LAMC3: variants seen among roughly 807,000 people sequenced by gnomAD.
LAMC3 encodes the protein laminin subunit gamma 3, also known as laminin subunit gamma-3.
LAMC3 carries 128 observed loss-of-function variants against 173.8 expected under a neutral mutation model. The ratio of observed to expected loss-of-function variants is 0.74; its 90% CI spans 0.64 to 0.85. The LOEUF (loss-of-function observed/expected upper bound fraction) is 0.85, where lower values mean the gene tolerates loss of function less well. LAMC3 is among the 40% of genes least tolerant of loss of function. LAMC3 has a pLI of 0.00. For synonymous variants in LAMC3, 897 were observed against 909.1 expected (o/e 0.99, Z 0.24); for missense variants, 2,022 against 2,156.0 (o/e 0.94, Z 1.23).
chr9:131,032,673 GCTCT>G lies in LAMC3; in HGVS notation c.809+509_809+512del, dbSNP rs1025373572. ...CACTCACTCTCTCTCACTCTCTCTCGCTCTCTCTCTCTCTGAAGGAGTTTCGCTC... is the reference window on the plus strand; with the variant it reads ...CACTCACTCTCTCTCACTCTCTCTCGCTCTCTCTCTGAAGGAGTTTCGCTC... On this transcript the variant is annotated intron_variant, in intron 3 of 27. Transcript: ENST00000361069. 7.2e-5 allele frequency among the ~76,000 whole-genome samples: 10 copies of G among 137,946 alleles called. No homozygotes were observed. The South Asian group carries it at 1.8e-3, about 24-fold the overall frequency. The allele number at this position is 137,946 out of a possible 152,430, so 90.5% of individuals were successfully genotyped here. A position where few individuals can be genotyped will look rare whatever the true frequency, so the allele number is the denominator to read the frequency against.
chr9:131,045,457 AC>A (rs1166609390), intron 7 of LAMC3, 66 bp from the exon 8 acceptor site: 24 of 1,587,554 alleles, frequency 1.5e-5, no homozygotes, highest in Non-Finnish European at 1.9e-5. Flanking sequence ...CAGCTGGGAT[AC>A]CCTGGCCCCG....
rs1453651329 is a variant in LAMC3 at position 131,087,392 on chromosome 9, G to T, written c.4231-84G>T. 5.3e-6 allele frequency: 8 copies of T among 1,515,318 alleles called. No individual in the cohort carries two copies. The East Asian group carries it at 6.7e-5, about 13-fold the overall frequency. The allele number at this position is 1,515,318 out of a possible 1,614,324, so 93.9% of individuals were successfully genotyped here. On this transcript the variant is annotated intron_variant, in intron 25 of 27. Transcript: ENST00000361069. ...TCTGCCTGGTACAGACAACTGCTTG[G>T]CATCATTGCCATAAGAGCTATTTAC... is the stretch of plus-strand genomic sequence containing the variant.
At chr9:131,027,765 C>T (rs1833750600) in intron 2 of LAMC3, among the ~76,000 whole-genome samples, 1 of 152,242 alleles carries the variant, frequency 6.6e-6, no homozygotes, top group Admixed American at 6.5e-5. Flanking sequence ...GCGTGCCCAC[C>T]CACACTCGGG....
At position 131,052,976 on chromosome 9, in the gene LAMC3, A is replaced by G. The variant is rs73550474; in HGVS notation, c.1939+11A>G. On this transcript the variant is annotated intron_variant, in intron 11 of 27. Transcript: ENST00000361069. ...GCCCCAGCCCTGCCGGTCAGTAAAG[A>G]CAACCACATGCCCAAGACCCGAGTG... The G allele has an allele frequency of 4.0e-3, 6,274 of 1,587,668 alleles. 167 individuals carry two copies. In the African/African-American group the frequency reaches 0.064, roughly 16 times the overall value.
At position 131,012,062 on chromosome 9, in the gene LAMC3, T is replaced by TACACACACACAC. The variant is rs33965311; in HGVS notation, c.373+2494_373+2505dup. 7.9e-3 allele frequency among the ~76,000 whole-genome samples: 1,098 copies of TACACACACACAC among 138,490 alleles called. 14 individuals carry two copies. Among genetic ancestry groups the TACACACACACAC allele is most frequent in the African/African-American group, 0.024 (913 of 38,276 alleles). 90.9% of individuals were successfully genotyped at this position (138,490 alleles called of 152,430 possible). ...TGTAGAGAGCGAACACACACACACATACACACACACACACACACACACACA... is the reference window on the plus strand; with the variant it reads ...TGTAGAGAGCGAACACACACACACATACACACACACACACACACACACACACACACACACACA... On this transcript the variant is annotated intron_variant, in intron 1 of 27. Transcript: ENST00000361069.
intron 1 of LAMC3, among the ~76,000 whole-genome samples, chr9:131,020,783 C>T (rs938693072): frequency 2.6e-5 from 4 of 152,122 alleles, no homozygotes; most frequent in African/African-American, 9.7e-5. Flanking sequence ...GGTGATTCAC[C>T]AGCTTCTTGT....
intron 20 of LAMC3, among the ~76,000 whole-genome samples, chr9:131,075,407 C>T (rs1433947862): frequency 6.6e-6 from 1 of 151,930 alleles, no homozygotes; most frequent in Non-Finnish European, 1.5e-5. Flanking sequence ...GACCCTGTCT[C>T]TACTAAAATA....
At chr9:131,056,033 A>G (rs1350810693) in intron 11 of LAMC3, among the ~76,000 whole-genome samples, 3 of 67,064 alleles carry the variant, frequency 4.5e-5, no homozygotes, top group Non-Finnish European at 8.8e-5. Context: ...TTTTTCTACA[A>G]AAAATTTAAA....
chr9:131,080,880 T>C (rs1452547968), intron 23 of LAMC3, among the ~76,000 whole-genome samples: 1 of 152,190 alleles, frequency 6.6e-6, no homozygotes, highest in Non-Finnish European at 1.5e-5. Context: ...GCAGTACTAG[T>C]GGCTCCTCAA....
chr9:131,068,365 C>T lies in LAMC3; in HGVS notation c.2747+134C>T, dbSNP rs537495091. On this transcript the variant is annotated intron_variant, in intron 15 of 27. Transcript: ENST00000361069. ...CTGCCAGGCACATTGTGCCCTTTGC[C>T]GAAGGGGAGCAAAGGGATGGACTCT... 44 of 900,092 alleles carry T rather than the reference C, an allele frequency of 4.9e-5. 1 individual carries two copies. Among genetic ancestry groups the T allele is most frequent in the African/African-American group, 2.0e-4 (12 of 60,354 alleles). 55.8% of individuals were successfully genotyped at this position (900,092 alleles called of 1,614,324 possible). A position where few individuals can be genotyped will look rare whatever the true frequency, so the allele number is the denominator to read the frequency against.
At chr9:131,082,218 C>A in intron 24 of LAMC3, 57 bp downstream of exon 24, 1 of 1,293,174 alleles carries the variant, frequency 7.7e-7, no homozygotes, top group Non-Finnish European at 1.1e-6. Context: ...CTGACAGCCA[C>A]TCACCTCTCG....
chr9:131,061,287 C>T, intron 13 of LAMC3, 64 bp downstream of exon 13: 1 of 1,407,934 alleles, frequency 7.1e-7, no homozygotes, highest in Non-Finnish European at 9.8e-7. Context: ...TGTGACTATG[C>T]CCTGGGCTCC....
rs749380606 is a variant in LAMC3 at position 131,077,313 on chromosome 9, G to C, written c.3756G>C (p.Leu1252Phe). Reference protein sequence around the residue: ...VGADTAPYLALLASPGALPQK... With the variant: ...VGADTAPYLAFLASPGALPQK... ...CAGATACAGCCCCGTACCTGGCCTTGCTGGCTTCCCCGGGAGCTCTGGTCA... is the reference window on the plus strand; with the variant it reads ...CAGATACAGCCCCGTACCTGGCCTTCCTGGCTTCCCCGGGAGCTCTGGTCA... The change falls in exon 22 of 28, where the codon TTG becomes TTC. Residue 1252 changes from leucine to phenylalanine, a missense_variant. Transcript: ENST00000361069. 2 of 1,613,946 alleles carry C rather than the reference G, an allele frequency of 1.2e-6. No individual in the cohort carries two copies. Among genetic ancestry groups the C allele is most frequent in the South Asian group, 1.1e-5 (1 of 91,084 alleles).
chr9:131,015,399 C>T (rs921788599), intron 1 of LAMC3, among the ~76,000 whole-genome samples: 1 of 152,180 alleles, frequency 6.6e-6, no homozygotes, highest in Admixed American at 6.5e-5. Flanking sequence ...TACCTCCCTT[C>T]CCTGTGGCCC....
chr9:131,029,363 C>T lies in LAMC3; in HGVS notation c.679-2682C>T, dbSNP rs1421311005. Among the ~76,000 whole-genome samples, 4 of 152,198 alleles carry T rather than the reference C, an allele frequency of 2.6e-5. No homozygotes were observed. Among genetic ancestry groups the T allele is most frequent in the Admixed American group, 2.0e-4 (3 of 15,286 alleles). On this transcript the variant is annotated intron_variant, in intron 2 of 27. Coordinates refer to ENST00000361069, the MANE Select transcript of LAMC3 (RefSeq NM_006059.4). The surrounding 1 kb of genome is among the most constrained non-coding windows in gnomAD (Gnocchi z 4.6). ...GCTCTGTAGATTAGAAAACGTCACC[C>T]GAGGTCAGATGAAGACAGGCAGGGA...
At position 131,079,155 on chromosome 9, in the gene LAMC3, A is replaced by G; in HGVS notation, c.3784A>G (p.Lys1262Glu). 1 of 1,613,378 alleles carries G rather than the reference A, an allele frequency of 6.2e-7. No homozygotes were observed. The highest frequency in any genetic ancestry group is 2.2e-5 in the East Asian group (1 of 44,864). ...LLASPGALPQ[K>E]SRAEDLGLKA... ...GCGCATTGTCTCCCTGCAGCCTCAGAAGTCCCGGGCTGAAGACCTGGGCCT... is the reference window on the plus strand; with the variant it reads ...GCGCATTGTCTCCCTGCAGCCTCAGGAGTCCCGGGCTGAAGACCTGGGCCT... The change falls in exon 23 of 28, where the codon AAG becomes GAG. Residue 1262 changes from lysine (K) to glutamate (E), a missense_variant. Transcript: ENST00000361069.
In LAMC3 at chr9:131,019,399, C is replaced by T. The variant is rs560459746; in HGVS notation, c.374-6886C>T. On this transcript the variant is annotated intron_variant, in intron 1 of 27. Coordinates refer to ENST00000361069, the MANE Select transcript of LAMC3 (RefSeq NM_006059.4). ...CAAGAGGTGCCCAATAAATGCTTGC[C>T]CGATGAATGAGTAGACTCGAGGCAG... Among the ~76,000 whole-genome samples the T allele has an allele frequency of 2.3e-3, 348 of 152,262 alleles. 1 individual carries two copies. The highest frequency in any genetic ancestry group is 4.2e-3 in the Non-Finnish European group (284 of 68,012).
chr9:131,074,195 G>A (rs1325480065), intron 20 of LAMC3, among the ~76,000 whole-genome samples: 1 of 151,140 alleles, frequency 6.6e-6, no homozygotes, highest in Non-Finnish European at 1.5e-5. Context: ...TGATCCACCT[G>A]TCTCGGCCTC....
rs568897061 is a variant in LAMC3, at chr9:131,040,377, C to T, written c.1283+1129C>T. ...ATTTTTTGGTAGAGATGGGGTTTTG[C>T]CATGTTGCCCAAGCTGGTCTCAAGC... On this transcript the variant is annotated intron_variant, in intron 6 of 27. Coordinates refer to ENST00000361069, the MANE Select transcript of LAMC3 (RefSeq NM_006059.4). Among the ~76,000 whole-genome samples the T allele has an allele frequency of 1.6e-4, 25 of 152,180 alleles. No homozygotes were observed. In the East Asian group the frequency reaches 2.9e-3, roughly 18 times the overall value.
Sources: allele counts gnomAD v4.1 joint callset (sites outside exome capture counted in the v4.1 genomes callset), GRCh38; gene constraint gnomAD v4.1.1; non-coding constraint Gnocchi (gnomAD v3.1); transcripts MANE v1.5; gene names NCBI Gene and HGNC (gene_info 2026-07-23, HGNC 2026-07-21).